PANK2: variants seen among roughly 807,000 people sequenced by gnomAD.
PANK2 encodes the protein pantothenate kinase 2, mitochondrial.
In PANK2, 36 loss-of-function variants were observed where a neutral mutation model predicts 43.1. That is an observed-to-expected ratio of 0.84 (90% CI 0.64 to 1.10). PANK2 has a LOEUF of 1.10. Among genes scored for constraint, PANK2 ranks in the 50% least tolerant of loss-of-function variants. The probability of loss-of-function intolerance (pLI) is 0.00; values close to 1 mark genes in which losing one functional copy is unlikely to be tolerated. For missense variants in PANK2, 576 were observed against 593.3 expected (o/e 0.97, Z 0.30); for synonymous variants, 281 against 238.2 (o/e 1.18, Z -1.66).
At chr20:3,892,436 C>T (rs535825534) in intron 1 of PANK2, among the ~76,000 whole-genome samples, 58 of 149,198 alleles carry the variant, frequency 3.9e-4, no homozygotes, top group African/African-American at 1.3e-3. Flanking sequence ...TCAACTAAGA[C>T]TAAATCTTTT....
intron 6 of PANK2, among the ~76,000 whole-genome samples, chr20:3,921,117 C>T (rs970801888): frequency 1.3e-4 from 20 of 152,012 alleles, no homozygotes; most frequent in Admixed American, 2.6e-4. Context: ...TTGTTACATA[C>T]GTATACATGT....
At chr20:3,895,608 G>A (rs187279307) in intron 1 of PANK2, among the ~76,000 whole-genome samples, 6 of 151,740 alleles carry the variant, frequency 4.0e-5, no homozygotes, top group East Asian at 1.9e-4. Flanking sequence ...TTAAAAGAGC[G>A]GTGATGTTTT....
chr20:3,917,192 A>C, intron 5 of PANK2, 142 bp downstream of exon 5: 1 of 992,676 alleles, frequency 1.0e-6, no homozygotes, highest in East Asian at 2.6e-5. Flanking sequence ...AAAACTCTTC[A>C]AATACAGATT....
At chr20:3,895,484 G>GTT (rs10630574) in intron 1 of PANK2, among the ~76,000 whole-genome samples, 66,480 of 132,696 alleles carry the variant, frequency 0.5, 17,033 homozygotes, top group Admixed American at 0.6. Context: ...CCCTGTCTCC[G>GTT]TTTTTTTTTT....
intron 1 of PANK2, among the ~76,000 whole-genome samples, chr20:3,890,870 C>T (rs2090112107): frequency 6.6e-6 from 1 of 152,176 alleles, no homozygotes; most frequent in Non-Finnish European, 1.5e-5. Flanking sequence ...GATTCTTAAC[C>T]TGTGCCATTT....
upstream of PANK2, chr20:3,889,231 G>A: frequency 6.2e-7 from 1 of 1,613,316 alleles, no homozygotes; most frequent in Non-Finnish European, 8.5e-7. Context: ...TCCCCGCCCC[G>A]TCACGATAGC....
At chr20:3,900,259 GT>G (rs2090280030) in intron 1 of PANK2, among the ~76,000 whole-genome samples, 1 of 151,910 alleles carries the variant, frequency 6.6e-6, no homozygotes, top group Non-Finnish European at 1.5e-5. Flanking sequence ...TTATGAGTGA[GT>G]ATAGGGATGA....
At chr20:3,921,708 C>T (rs1320266187) in intron 6 of PANK2, 1 of 151,894 alleles carries the variant, frequency 6.6e-6, no homozygotes, top group Non-Finnish European at 1.5e-5. Context: ...GGTCAATATG[C>T]CTTTCTTTTT....
chr20:3,888,959 G>GT, upstream of PANK2: 16 of 580,788 alleles, frequency 2.8e-5, no homozygotes, highest in Admixed American at 1.0e-4. Flanking sequence ...CAGACGCTGC[G>GT]GGAGCACTGC....
rs774312476 is a variant in PANK2 at position 3,908,068 on chromosome 20, T to A, written c.441T>A (p.Ala147=). ...GGAAGTACCTGACCTCCAATGTGGC[T>A]TATGGGTCTACAGGCATTCGGGACG... Residue 147 remains alanine, a synonymous_variant, in exon 2 of 7, where the codon GCT becomes GCA. Transcript: ENST00000610179. 2 of 1,614,178 alleles carry A rather than the reference T, an allele frequency of 1.2e-6. No homozygotes were observed. Among genetic ancestry groups the A allele is most frequent in the South Asian group, 2.2e-5 (2 of 91,084 alleles).
intron 4 of PANK2, among the ~76,000 whole-genome samples, chr20:3,913,217 C>G (rs1277228006): frequency 6.6e-6 from 1 of 152,174 alleles, no homozygotes; most frequent in Non-Finnish European, 1.5e-5. Flanking sequence ...TTTGCCTCTT[C>G]TGAACATTTC....
chr20:3,921,088 A>T (rs1166905095), intron 6 of PANK2, among the ~76,000 whole-genome samples: 3 of 152,062 alleles, frequency 2.0e-5, no homozygotes, highest in African/African-American at 7.3e-5. Flanking sequence ...TCTAGGATAC[A>T]TGTGCACAAC....
chr20:3,913,944 A>C (rs184111476), intron 4 of PANK2, among the ~76,000 whole-genome samples: 1 of 151,444 alleles, frequency 6.6e-6, no homozygotes, highest in Admixed American at 6.6e-5. Flanking sequence ...GCCTGCCACC[A>C]CGCCCGGCTA....
At chr20:3,917,185 A>T in intron 5 of PANK2, 135 bp downstream of exon 5, 2 of 1,109,204 alleles carry the variant, frequency 1.8e-6, no homozygotes, top group African/African-American at 3.2e-5. Flanking sequence ...CGAAGTTAAA[A>T]CTCTTCAAAT....
At chr20:3,889,786 T>A (rs1420222233) in intron 1 of PANK2, 58 bp downstream of exon 1, 49 of 1,168,000 alleles carry the variant, frequency 4.2e-5, no homozygotes, top group Non-Finnish European at 5.4e-5. Context: ...CGGCCCACCC[T>A]GTCCCCTTCC....
chr20:3,905,655 C>CT (rs2090374118), intron 1 of PANK2, among the ~76,000 whole-genome samples: 1 of 151,440 alleles, frequency 6.6e-6, no homozygotes, highest in South Asian at 2.1e-4. Flanking sequence ...CCTGCTATCT[C>CT]TTCTTGTTTC....
upstream of PANK2, chr20:3,889,284 G>A (rs536112835): frequency 2.1e-5 from 34 of 1,608,834 alleles, no homozygotes; most frequent in Non-Finnish European, 2.6e-5. Flanking sequence ...TCGAGTTAGG[G>A]AGCCGACTGG....
intron 1 of PANK2, among the ~76,000 whole-genome samples, chr20:3,907,055 C>CA (rs1463339835): frequency 6.7e-6 from 1 of 149,120 alleles, no homozygotes; most frequent in Non-Finnish European, 1.5e-5. Context: ...TTAGCCTCCC[C>CA]AAGTGTTGGG....
chr20:3,912,535 C>G lies in PANK2; in HGVS notation c.983C>G (p.Ala328Gly). ...ACTTTTGAAGAAGCTCTTGAAATGG[C>G]ATCTCGTGGAGATAGCACCAAAGTG... is the stretch of plus-strand genomic sequence containing the variant. The change falls in exon 4 of 7, where the codon GCA becomes GGA. Residue 328 changes from alanine to glycine, a missense_variant. This residue lies in a region of PANK2 where 544 missense variants were observed against 528.9 expected (regional missense o/e 1.03). Coordinates refer to ENST00000610179, the MANE Select transcript of PANK2 (RefSeq NM_001386393.1). 6.2e-7 allele frequency: 1 copy of G among 1,614,150 alleles called. No individual in the cohort carries two copies. The highest frequency in any genetic ancestry group is 1.3e-5 in the African/African-American group (1 of 75,024).
Sources: allele counts gnomAD v4.1 joint callset (sites outside exome capture counted in the v4.1 genomes callset), GRCh38; gene constraint gnomAD v4.1.1; regional missense constraint gnomAD v4.1.1; transcripts MANE v1.5; gene names NCBI Gene and HGNC (gene_info 2026-07-23, HGNC 2026-07-21).